HYDIN: variants seen among roughly 807,000 people sequenced by gnomAD.
HYDIN encodes HYDIN axonemal central pair apparatus protein, also known as axonemal central pair apparatus protein HYDIN.
Under a neutral mutation model 403.9 loss-of-function variants are expected in HYDIN, and 132 were observed. The ratio of observed to expected loss-of-function variants is 0.33; its 90% CI spans 0.28 to 0.38. The LOEUF is 0.38. Ranked by LOEUF, HYDIN falls within the 10% of genes least tolerant of loss-of-function variation. The probability of loss-of-function intolerance (pLI) is 1.00; values close to 1 mark genes in which losing one functional copy is unlikely to be tolerated. For synonymous variants in HYDIN, 1,202 were observed against 1,891.7 expected (o/e 0.64, Z 9.46); for missense variants, 2,827 against 5,009.5 (o/e 0.56, Z 13.15).
intron 1 of HYDIN, among the ~76,000 whole-genome samples, chr16:71,188,900 A>G (rs992962762): frequency 4.6e-5 from 7 of 152,312 alleles, no homozygotes; most frequent in African/African-American, 1.7e-4. Flanking sequence ...TCTATAATCT[A>G]GAAATATTAG....
chr16:71,113,587 C>T (rs2083908874), intron 10 of HYDIN: 1 of 149,682 alleles, frequency 6.7e-6, no homozygotes, highest in African/African-American at 2.6e-5. Context: ...CTTTCATGAT[C>T]TTGATTTTTT....
chr16:71,003,352 G>GT lies in HYDIN; in HGVS notation c.3645-11143dup, dbSNP rs555626809. 6.4e-3 allele frequency among the ~76,000 whole-genome samples: 973 copies of GT among 151,898 alleles called. 8 individuals are homozygous for GT. The highest frequency in any genetic ancestry group is 0.022 in the African/African-American group (915 of 41,430). On this transcript the variant is annotated intron_variant, in intron 23 of 85. Coordinates refer to ENST00000393567, the MANE Select transcript of HYDIN (RefSeq NM_001270974.2). Reference sequence around the variant, plus strand: ...TGAGCCTTTTAAATCAATGAAACAAGTATGTCTCACCATTTATTTAGGTCT... The same window carrying GT: ...TGAGCCTTTTAAATCAATGAAACAAGTTATGTCTCACCATTTATTTAGGTCT...
intron 16 of HYDIN, 89 bp from the exon 17 acceptor site, chr16:71,062,422 T>C (rs2082123153): frequency 9.2e-7 from 1 of 1,089,814 alleles, no homozygotes; most frequent in Non-Finnish European, 1.3e-6. Context: ...CCTGAGTCCG[T>C]AGAGGTGTTT....
At chr16:70,972,906 T>A (rs2078773155) in intron 35 of HYDIN, among the ~76,000 whole-genome samples, 1 of 152,208 alleles carries the variant, frequency 6.6e-6, no homozygotes, top group Non-Finnish European at 1.5e-5. Flanking sequence ...CAGATGAGAT[T>A]TTTCTGCCAA....
chr16:70,954,468 A>AGAAAACAAAG (rs33979737), intron 40 of HYDIN, among the ~76,000 whole-genome samples: 3 of 149,632 alleles, frequency 2.0e-5, no homozygotes, highest in Non-Finnish European at 4.4e-5. Flanking sequence ...AAAAAAAAAA[A>AGAAAACAAAG]AAAGAAAGAA....
At chr16:71,131,550 T>TA (rs1890847423) in intron 8 of HYDIN, 1 of 150,978 alleles carries the variant, frequency 6.6e-6, no homozygotes. Flanking sequence ...AGTGCTGGAA[T>TA]GATACCAGAT....
rs2035167064 is a variant in HYDIN at position 70,807,572 on chromosome 16, G to C, written c.*8C>G. ...GCTTTTGGTTGATACAGGTAACCCT[G>C]GTTACCACTAAAGGGTGATCCCCTT... is the stretch of plus-strand genomic sequence containing the variant. On this transcript the variant is annotated 3_prime_UTR_variant, in exon 86 of 86. Coordinates refer to ENST00000393567, the MANE Select transcript of HYDIN (RefSeq NM_001270974.2). 6.3e-7 allele frequency: 1 copy of C among 1,598,978 alleles called. No individual in the cohort carries two copies. Among genetic ancestry groups the C allele is most frequent in the Admixed American group, 1.7e-5 (1 of 59,070 alleles).
chr16:70,878,149 T>A (rs2040559626), intron 62 of HYDIN, among the ~76,000 whole-genome samples: 1 of 152,136 alleles, frequency 6.6e-6, no homozygotes, highest in South Asian at 2.1e-4. Flanking sequence ...GCTGTTCTCC[T>A]GATAGTGAAT....
chr16:70,983,927 A>G (rs2079109982), intron 28 of HYDIN, among the ~76,000 whole-genome samples: 1 of 151,444 alleles, frequency 6.6e-6, no homozygotes, highest in East Asian at 1.9e-4. Context: ...CTACTTTTTT[A>G]TCTGTAATTT....
chr16:71,130,105 C>A (rs1210501277), intron 8 of HYDIN, among the ~76,000 whole-genome samples: 2 of 152,254 alleles, frequency 1.3e-5, no homozygotes, highest in African/African-American at 4.8e-5. Context: ...TATATCTGGA[C>A]AAATATTTTC....
chr16:70,808,007 T>C lies in HYDIN; in HGVS notation c.14939A>G (p.Gln4980Arg), dbSNP rs1459484582. 1.2e-6 allele frequency: 2 copies of C among 1,614,058 alleles called. No individual in the cohort carries two copies. The highest frequency in any genetic ancestry group is 1.7e-6 in the Non-Finnish European group (2 of 1,179,976). Residue 4980 changes from glutamine (Q) to arginine (R), a missense_variant, in exon 86 of 86, where the codon CAG (glutamine) becomes CGG (arginine). Physicochemically the swap from Gln to Arg is conservative, Grantham distance 43 (BLOSUM62 1). Transcript: ENST00000393567. The part of the protein sequence containing the change: ...EKLINAAPGG[Q>R]GGTEASVEVL... Reference sequence around the variant, plus strand: ...TTCCACACTGGCTTCAGTGCCTCCCTGGCCTCCTGGGGCTGCATTAATGAG... The same window carrying C: ...TTCCACACTGGCTTCAGTGCCTCCCCGGCCTCCTGGGGCTGCATTAATGAG...
At chr16:70,813,393 A>C (rs376858272) in intron 84 of HYDIN, among the ~76,000 whole-genome samples, 65 of 152,132 alleles carry the variant, frequency 4.3e-4, no homozygotes, top group African/African-American at 1.3e-3. Flanking sequence ...GCAGGGAGCT[A>C]AGGCCTTTCC....
rs576267561 is a variant in HYDIN at position 71,067,281 on chromosome 16, G to A, written c.2075+9C>T. 1.9e-5 allele frequency: 30 copies of A among 1,589,282 alleles called. No individual in the cohort carries two copies. The South Asian group carries it at 2.7e-4, about 14-fold the overall frequency. On this transcript the variant is annotated intron_variant, in intron 15 of 85. Coordinates refer to ENST00000393567, the MANE Select transcript of HYDIN (RefSeq NM_001270974.2). ...CGACTCAGGAGAAGAGCAAGCTGGG[G>A]AGCAATACCTTGCTGTAATTAAGAG... is the stretch of plus-strand genomic sequence containing the variant.
At chr16:71,115,854 A>C in intron 9 of HYDIN, 59 bp from the exon 10 acceptor site, 1 of 812,138 alleles carries the variant, frequency 1.2e-6, no homozygotes, top group South Asian at 1.6e-5. Context: ...CACTGCTTGT[A>C]AGTGTTATTA....
rs185375215 is a variant in HYDIN, at chr16:70,978,428, T to C, written c.4638+486A>G. The stretch of plus-strand genomic sequence containing the variant: ...GTTGTCCAGGCTGGTCTCAAATTCC[T>C]GGCCTCAGGCCATCCTTGGCTTCCC... On this transcript the variant is annotated intron_variant, in intron 30 of 85. Coordinates refer to ENST00000393567, the MANE Select transcript of HYDIN (RefSeq NM_001270974.2). Among the ~76,000 whole-genome samples, 1,284 of 150,824 alleles carry C rather than the reference T, an allele frequency of 8.5e-3. 13 individuals are homozygous for C. Among genetic ancestry groups the C allele is most frequent in the Middle Eastern group, 0.078 (23 of 294 alleles).
In HYDIN at chr16:71,188,459, T is replaced by C. The variant is rs963612611; in HGVS notation, c.-23-1541A>G. On this transcript the variant is annotated intron_variant, in intron 1 of 85. Transcript: ENST00000393567. ...TGGGTAGTGACAACAACAGAAGCAA[T>C]AAAAAAGCAAAGATTGTGGTCTTGA... Among the ~76,000 whole-genome samples, 5 of 152,188 alleles carry C rather than the reference T, an allele frequency of 3.3e-5. No homozygotes were observed. The East Asian group carries it at 7.7e-4, about 23-fold the overall frequency.
intron 23 of HYDIN, among the ~76,000 whole-genome samples, chr16:71,011,634 T>G (rs1347790750): frequency 6.6e-6 from 1 of 152,016 alleles, no homozygotes; most frequent in Non-Finnish European, 1.5e-5. Context: ...GCTACAGTAG[T>G]CCTTGGCTTG....
intron 23 of HYDIN, among the ~76,000 whole-genome samples, chr16:71,003,251 C>T (rs2079780526): frequency 6.6e-6 from 1 of 152,114 alleles, no homozygotes; most frequent in Non-Finnish European, 1.5e-5. Flanking sequence ...AGTTTAGGAT[C>T]AACCTGTCAG....
At chr16:71,052,213 T>C (rs1333882831) in intron 18 of HYDIN, among the ~76,000 whole-genome samples, 3 of 152,230 alleles carry the variant, frequency 2.0e-5, no homozygotes, top group African/African-American at 4.8e-5. Context: ...CAAAAGGACT[T>C]AGAACAGTGC....
Sources: gnomAD v4.1 joint callset for allele counts (sites outside exome capture counted in the v4.1 genomes callset) on GRCh38, gnomAD v4.1.1 for gene constraint, MANE v1.5 for transcripts, NCBI Gene and HGNC (gene_info 2026-07-23, HGNC 2026-07-21) for gene names.